Variants in PTPRD observed in about 807,000 individuals in gnomAD.
The protein encoded by PTPRD is receptor-type tyrosine-protein phosphatase delta.
Under a neutral mutation model 214.5 loss-of-function variants are expected in PTPRD, and 34 were observed. That is an observed-to-expected ratio of 0.16 (90% CI 0.12 to 0.21). PTPRD has a LOEUF of 0.21. Among genes scored for constraint, PTPRD ranks in the 10% least tolerant of loss-of-function variants. PTPRD has a pLI of 1.00. For missense variants in PTPRD, 2,545 were observed against 2,398.7 expected (o/e 1.06, Z -1.27); for synonymous variants, 1,128 against 845.7 (o/e 1.33, Z -5.79).
At chr9:10,543,612 G>C (rs916125255) in intron 2 of PTPRD, among the ~76,000 whole-genome samples, 4 of 152,190 alleles carry the variant, frequency 2.6e-5, no homozygotes, top group Middle Eastern at 3.4e-3. Flanking sequence ...ATAACATTAT[G>C]TTGTCTTAAG....
chr9:10,439,633 A>C (rs1297505380), intron 2 of PTPRD, among the ~76,000 whole-genome samples: 1 of 151,776 alleles, frequency 6.6e-6, no homozygotes, highest in Non-Finnish European at 1.5e-5. Context: ...TGCAAACTAT[A>C]AAGTGAGTTT....
At chr9:8,791,839 G>A (rs969648333) in intron 11 of PTPRD, among the ~76,000 whole-genome samples, 1 of 151,956 alleles carries the variant, frequency 6.6e-6, no homozygotes, top group African/African-American at 2.4e-5. Context: ...TTTAACTTAG[G>A]GAACATTTCA....
intron 10 of PTPRD, among the ~76,000 whole-genome samples, chr9:9,055,345 A>G (rs1206190415): frequency 1.3e-5 from 2 of 152,196 alleles, no homozygotes; most frequent in East Asian, 1.9e-4. Flanking sequence ...GAATATGTTA[A>G]TTAGTTAGAT....
intron 2 of PTPRD, among the ~76,000 whole-genome samples, chr9:10,535,529 G>A (rs927011637): frequency 1.3e-5 from 2 of 151,948 alleles, no homozygotes; most frequent in African/African-American, 4.8e-5. Context: ...TTTGCTAATG[G>A]GCATTGGAAA....
chr9:9,967,675 G>A (rs145507951), intron 4 of PTPRD, among the ~76,000 whole-genome samples: 1,953 of 152,252 alleles, frequency 0.013, 15 homozygotes, highest in Non-Finnish European at 0.02. Context: ...AACAGAAAAT[G>A]AGAAGTTTAA....
intron 3 of PTPRD, among the ~76,000 whole-genome samples, chr9:10,280,215 A>C (rs898202727): frequency 6.6e-6 from 1 of 152,104 alleles, no homozygotes; most frequent in African/African-American, 2.4e-5. Context: ...AAAATTACCT[A>C]AGGAGTTTTA....
At chr9:9,494,393 A>G (rs1025034532) in intron 8 of PTPRD, among the ~76,000 whole-genome samples, 1 of 152,240 alleles carries the variant, frequency 6.6e-6, no homozygotes, top group Non-Finnish European at 1.5e-5. Flanking sequence ...GGAAGAGTCA[A>G]TTAAGGAGGC....
intron 4 of PTPRD, among the ~76,000 whole-genome samples, chr9:9,998,295 G>A (rs1489026802): frequency 1.3e-5 from 2 of 151,002 alleles, no homozygotes; most frequent in Non-Finnish European, 2.9e-5. Flanking sequence ...GGATTGATGG[G>A]TCCCGGGGCT....
At chr9:10,540,589 A>G (rs2058885258) in intron 2 of PTPRD, among the ~76,000 whole-genome samples, 1 of 152,160 alleles carries the variant, frequency 6.6e-6, no homozygotes, top group African/African-American at 2.4e-5. Context: ...ATCCATTCCT[A>G]CATGTTTAGT....
At chr9:9,679,415 C>G (rs2097016246) in intron 7 of PTPRD, among the ~76,000 whole-genome samples, 2 of 151,776 alleles carry the variant, frequency 1.3e-5, no homozygotes, top group South Asian at 4.1e-4. Context: ...ATAGAAGAAA[C>G]AAACTGTCAA....
intron 12 of PTPRD, among the ~76,000 whole-genome samples, chr9:8,702,597 C>T (rs1288126134): frequency 6.6e-6 from 1 of 152,044 alleles, no homozygotes; most frequent in Non-Finnish European, 1.5e-5. Context: ...TAAGAAAAGC[C>T]ACAATATAAG....
Position 9,262,680 on chromosome 9 carries a change from T to C in PTPRD, c.-202-79317A>G, listed in dbSNP as rs76877412. Among the ~76,000 whole-genome samples the C allele has an allele frequency of 3.8e-3, 576 of 151,802 alleles. 7 individuals carry two copies. The highest frequency in any genetic ancestry group is 0.013 in the African/African-American group (555 of 41,492). On this transcript the variant is annotated intron_variant, in intron 9 of 45. Transcript: ENST00000381196. The stretch of plus-strand genomic sequence containing the variant: ...CAATGATTCCTAGAGCTAGGATATA[T>C]ACAGAAAAATCAGAGGTTCTTTTAT...
intron 14 of PTPRD, among the ~76,000 whole-genome samples, chr9:8,613,120 C>A (rs2095505867): frequency 6.6e-6 from 1 of 152,108 alleles, no homozygotes; most frequent in South Asian, 2.1e-4. Context: ...GCGTGCTGGG[C>A]AAAGGGTAGG....
At chr9:8,687,362 A>T (rs569752499) in intron 12 of PTPRD, among the ~76,000 whole-genome samples, 1 of 152,368 alleles carries the variant, frequency 6.6e-6, no homozygotes, top group South Asian at 2.1e-4. Context: ...CTTCTAACAG[A>T]TTCAGAAATA....
intron 39 of PTPRD, among the ~76,000 whole-genome samples, chr9:8,358,018 T>C (rs1332466086): frequency 7.9e-5 from 12 of 152,202 alleles, no homozygotes; most frequent in Admixed American, 7.2e-4. Flanking sequence ...AGTCTATACA[T>C]ACAGATCATT....
intron 10 of PTPRD, among the ~76,000 whole-genome samples, chr9:9,045,692 C>T (rs2099670446): frequency 6.6e-6 from 1 of 152,198 alleles, no homozygotes; most frequent in African/African-American, 2.4e-5. Flanking sequence ...TCCTCTCAGA[C>T]TGTTCCATAA....
chr9:9,447,179 G>A (rs960528650), intron 8 of PTPRD, among the ~76,000 whole-genome samples: 17 of 152,044 alleles, frequency 1.1e-4, no homozygotes, highest in African/African-American at 3.6e-4. Flanking sequence ...ATACCCAAAG[G>A]AATATTAATC....
chr9:10,208,056 T>A (rs897433286), intron 3 of PTPRD, among the ~76,000 whole-genome samples: 12 of 152,162 alleles, frequency 7.9e-5, no homozygotes, highest in African/African-American at 2.9e-4. Flanking sequence ...ATCATAAACC[T>A]AAATATAGCT....
Position 10,433,056 on chromosome 9 carries a change from A to C in PTPRD, c.-599-92039T>G, listed in dbSNP as rs1187038582. On this transcript the variant is annotated intron_variant, in intron 2 of 45. Transcript: ENST00000381196. ...TTTAGTTTAATAAGATCATGGTATT[A>C]AGTATTATTACAATTCAAAGTGTGC... Among the ~76,000 whole-genome samples the C allele has an allele frequency of 3.3e-5, 5 of 151,996 alleles. No homozygotes were observed. The East Asian group carries it at 7.8e-4, about 24-fold the overall frequency.
Sources: allele counts gnomAD v4.1 joint callset (sites outside exome capture counted in the v4.1 genomes callset), GRCh38; gene constraint gnomAD v4.1.1; transcripts MANE v1.5; gene names NCBI Gene and HGNC (gene_info 2026-07-23, HGNC 2026-07-21).